JAK1: variants seen among roughly 807,000 people sequenced by gnomAD.
JAK1 encodes the protein tyrosine-protein kinase JAK1.
A neutral mutation model predicts 136.6 loss-of-function variants in JAK1; 16 were observed. The observed-to-expected ratio is 0.12, with a 90% CI of 0.08 to 0.18. The LOEUF (loss-of-function observed/expected upper bound fraction) is 0.18, where lower values mean the gene tolerates loss of function less well. JAK1 is among the 10% of genes least tolerant of loss of function. The probability of loss-of-function intolerance (pLI) is 1.00; values close to 1 mark genes in which losing one functional copy is unlikely to be tolerated. For missense variants in JAK1, 859 were observed against 1,450.1 expected (o/e 0.59, Z 6.62); for synonymous variants, 492 against 519.5 (o/e 0.95, Z 0.72).
intron 2 of JAK1, among the ~76,000 whole-genome samples, chr1:64,998,379 C>A (rs923680340): frequency 7.9e-5 from 12 of 152,106 alleles, no homozygotes. Context: ...CTTAAGCTAC[C>A]GTCCAGAAAA....
intron 2 of JAK1, among the ~76,000 whole-genome samples, chr1:64,986,685 G>C (rs971677141): frequency 6.6e-6 from 1 of 152,094 alleles, no homozygotes; most frequent in Admixed American, 6.6e-5. Context: ...TTGAGCCCAG[G>C]TGTTATTCAA....
rs189080289 is a variant in JAK1 at position 64,986,973 on chromosome 1, G to A, written c.-78+57507C>T. ...TTGATTATTATTTTATTATTAGCAGGGACCAAGGCCTTAACGTTGTAAGAT... is the reference window on the plus strand; with the variant it reads ...TTGATTATTATTTTATTATTAGCAGAGACCAAGGCCTTAACGTTGTAAGAT... On this transcript the variant is annotated intron_variant, in intron 2 of 25. Transcript: ENST00000671954. 2.5e-3 allele frequency among the ~76,000 whole-genome samples: 376 copies of A among 152,242 alleles called. 4 individuals carry two copies. Among genetic ancestry groups the A allele is most frequent in the African/African-American group, 8.4e-3 (350 of 41,542 alleles).
At chr1:64,987,010 A>G (rs1176505221) in intron 2 of JAK1, among the ~76,000 whole-genome samples, 1 of 152,220 alleles carries the variant, frequency 6.6e-6, no homozygotes, top group Non-Finnish European at 1.5e-5. Flanking sequence ...CAGGGAAATA[A>G]CAAAAGGAAA....
intron 1 of JAK1, among the ~76,000 whole-genome samples, chr1:64,886,751 TACACACAC>T (rs3838404): frequency 3.2e-3 from 438 of 138,932 alleles, no homozygotes; most frequent in East Asian, 0.012. Flanking sequence ...CAACCTTGTC[TACACACAC>T]ACACACACAC....
chr1:64,995,995 G>A (rs746323741), intron 2 of JAK1, among the ~76,000 whole-genome samples: 49 of 152,072 alleles, frequency 3.2e-4, no homozygotes, highest in Admixed American at 7.9e-4. Flanking sequence ...CACCCATTTC[G>A]GCCATTGAAA....
chr1:64,925,148 G>C (rs956221809), intron 1 of JAK1, among the ~76,000 whole-genome samples: 1 of 151,820 alleles, frequency 6.6e-6, no homozygotes, highest in Admixed American at 6.6e-5. Context: ...TGTAATCCCA[G>C]CACTTTGGGA....
In JAK1 at chr1:64,886,276, T is replaced by C; in HGVS notation, c.-12A>G. ...CTACATACCTGCATTTATTCAGCTG[T>C]CCAGTGTTCTCCAAGAAGCAAACTG... On this transcript the variant is annotated 5_prime_UTR_variant, in exon 2 of 25. Coordinates refer to ENST00000342505, the MANE Select transcript of JAK1 (RefSeq NM_002227.4). 5 of 1,596,658 alleles carry C rather than the reference T, an allele frequency of 3.1e-6. No individual in the cohort carries two copies. The highest frequency in any genetic ancestry group is 4.3e-6 in the Non-Finnish European group (5 of 1,172,230).
chr1:65,018,927 G>C (rs1219336628), intron 2 of JAK1, among the ~76,000 whole-genome samples: 1 of 151,978 alleles, frequency 6.6e-6, no homozygotes, highest in Admixed American at 6.6e-5. Flanking sequence ...AGGAGAACGG[G>C]GTGAACCCAG....
intron 10 of JAK1, among the ~76,000 whole-genome samples, chr1:64,856,940 T>C (rs1185233907): frequency 6.6e-6 from 1 of 152,234 alleles, no homozygotes; most frequent in Non-Finnish European, 1.5e-5. Context: ...CCAGTACTGA[T>C]TAAAGTGTAC....
chr1:65,010,053 A>C (rs998994891), intron 2 of JAK1, among the ~76,000 whole-genome samples: 4 of 152,074 alleles, frequency 2.6e-5, no homozygotes, highest in Admixed American at 1.3e-4. Flanking sequence ...GATATATCCT[A>C]GTTTTGTACT....
intron 1 of JAK1, chr1:65,058,640 AAGGATC>A: frequency 2.4e-6 from 1 of 423,164 alleles, no homozygotes; most frequent in Non-Finnish European, 4.7e-6. Context: ...GAAGAAAAAG[AAGGATC>A]AGAGCCCAGC....
chr1:64,900,602 T>G (rs539120268), intron 1 of JAK1, among the ~76,000 whole-genome samples: 33 of 152,280 alleles, frequency 2.2e-4, no homozygotes, highest in African/African-American at 7.2e-4. Flanking sequence ...GTTGTCTCTG[T>G]TCTAACTCTG....
intron 1 of JAK1, among the ~76,000 whole-genome samples, chr1:64,942,664 T>C (rs934272125): frequency 2.0e-5 from 3 of 151,422 alleles, no homozygotes; most frequent in Non-Finnish European, 2.9e-5. Context: ...ATCTGGACAA[T>C]ATTCTTAGAC....
At chr1:64,929,022 C>T (rs1570794107) in intron 1 of JAK1, among the ~76,000 whole-genome samples, 1 of 152,120 alleles carries the variant, frequency 6.6e-6, no homozygotes, top group Non-Finnish European at 1.5e-5. Flanking sequence ...GTCACTGATT[C>T]TGAAGGAAAC....
intron 1 of JAK1, among the ~76,000 whole-genome samples, chr1:64,889,798 T>C (rs1349668462): frequency 6.6e-6 from 1 of 152,204 alleles, no homozygotes; most frequent in African/African-American, 2.4e-5. Flanking sequence ...ACATTTTGGA[T>C]AGTGGACAAG....
chr1:64,994,428 A>T (rs1189960496), intron 2 of JAK1, among the ~76,000 whole-genome samples: 1 of 152,192 alleles, frequency 6.6e-6, no homozygotes, highest in East Asian at 1.9e-4. Context: ...ATAATTTACA[A>T]AGAACAGAGA....
Position 64,951,357 on chromosome 1 carries a change from T to C in JAK1, c.-78+14976A>G, listed in dbSNP as rs551937883. ...CCTGATCCTTCCTTACTCCACTGAT[T>C]TTTTTAAATTGAAATATATCAAGCA... On this transcript the variant is annotated intron_variant, in intron 1 of 24. Transcript: ENST00000342505. 4.7e-4 allele frequency among the ~76,000 whole-genome samples: 71 copies of C among 152,314 alleles called. No homozygotes were observed. The South Asian group carries it at 0.01, about 22-fold the overall frequency.
At chr1:64,978,050 C>T (rs1312643377) in intron 2 of JAK1, among the ~76,000 whole-genome samples, 2 of 152,126 alleles carry the variant, frequency 1.3e-5, no homozygotes, top group Non-Finnish European at 2.9e-5. Context: ...GAGGCTGAGG[C>T]AGGCAGATCA....
intron 1 of JAK1, among the ~76,000 whole-genome samples, chr1:64,925,493 T>C (rs1645568798): frequency 6.6e-6 from 1 of 152,148 alleles, no homozygotes; most frequent in Non-Finnish European, 1.5e-5. Flanking sequence ...GTATACATCA[T>C]GGCCTGATGT....
Sources: gnomAD v4.1 joint callset for allele counts (sites outside exome capture counted in the v4.1 genomes callset) on GRCh38, gnomAD v4.1.1 for gene constraint, MANE v1.5 for transcripts, NCBI Gene and HGNC (gene_info 2026-07-23, HGNC 2026-07-21) for gene names.